Variants in EPAS1 observed in about 807,000 individuals in gnomAD.
The protein encoded by EPAS1 is endothelial PAS domain protein 1.
Under a neutral mutation model 87.9 loss-of-function variants are expected in EPAS1, and 23 were observed. The observed-to-expected ratio is 0.26, with a 90% CI of 0.19 to 0.37. The LOEUF (loss-of-function observed/expected upper bound fraction) is 0.37. Ranked by LOEUF, EPAS1 falls within the 10% of genes least tolerant of loss-of-function variation. The pLI is 1.00. For synonymous variants in EPAS1, 508 were observed against 444.3 expected (o/e 1.14, Z -1.80); for missense variants, 1,138 against 1,120.7 (o/e 1.02, Z -0.22).
chr2:46,324,562 A>G (rs1330266448), intron 1 of EPAS1, among the ~76,000 whole-genome samples: 1 of 152,252 alleles, frequency 6.6e-6, no homozygotes, highest in African/African-American at 2.4e-5. Flanking sequence ...CCAAACCAAG[A>G]CACAGTTAAA....
chr2:46,348,008 C>T (rs968374699), intron 2 of EPAS1, among the ~76,000 whole-genome samples: 10 of 152,116 alleles, frequency 6.6e-5, no homozygotes, highest in African/African-American at 1.9e-4. Flanking sequence ...CCGGAGTAAG[C>T]CTGGTGCCTT....
In EPAS1 at chr2:46,371,254, A is replaced by G. The variant is rs976411185; in HGVS notation, c.886+1321A>G. On this transcript the variant is annotated intron_variant, in intron 7 of 15. Coordinates refer to ENST00000263734, the MANE Select transcript of EPAS1 (RefSeq NM_001430.5). The surrounding 1 kb of genome is among the most constrained non-coding windows in gnomAD (Gnocchi z 4.3). ...CTCCTAAATCCACCCATCTACCCCA[A>G]GGCTAAGACAGCCAAGTTCAGTGCA... 6.6e-6 allele frequency among the ~76,000 whole-genome samples: 1 copy of G among 152,192 alleles called. No individual in the cohort carries two copies. The highest frequency in any genetic ancestry group is 2.4e-5 in the African/African-American group (1 of 41,446).
intron 15 of EPAS1, 108 bp from the exon 16 acceptor site, chr2:46,384,401 G>C (rs1268103806): frequency 2.0e-5 from 29 of 1,480,818 alleles, no homozygotes; most frequent in African/African-American, 2.8e-5. Context: ...TGAAGGAGCA[G>C]AGTGAAATTA....
In EPAS1 at chr2:46,375,519, A is replaced by T; in HGVS notation, c.887-171A>T. The T allele has an allele frequency of 4.1e-6, 3 of 732,692 alleles. No homozygotes were observed. The Admixed American group carries it at 6.7e-5, about 16-fold the overall frequency. 45.4% of individuals were successfully genotyped at this position (732,692 alleles called of 1,614,324 possible). A position where few individuals can be genotyped will look rare whatever the true frequency, so the allele number is the denominator to read the frequency against. On this transcript the variant is annotated intron_variant, in intron 7 of 15. Coordinates refer to ENST00000263734, the MANE Select transcript of EPAS1 (RefSeq NM_001430.5). The surrounding 1 kb of genome is among the most constrained non-coding windows in gnomAD (Gnocchi z 4.1). ...TATATTTAAAATGAAGAGTTGGCTG[A>T]GGTGATCCCTAAGCTCCCTCCCAGG... is the stretch of plus-strand genomic sequence containing the variant.
chr2:46,356,871 T>C (rs941184834), intron 4 of EPAS1, 63 bp downstream of exon 4: 1 of 1,203,410 alleles, frequency 8.3e-7, no homozygotes, highest in Non-Finnish European at 1.2e-6. Context: ...CTCCCCTTTG[T>C]CTACGGGTAT....
chr2:46,354,478 C>T (rs1038859900), intron 2 of EPAS1, among the ~76,000 whole-genome samples: 1 of 151,562 alleles, frequency 6.6e-6, no homozygotes, highest in African/African-American at 2.4e-5. Flanking sequence ...TGTATAACAA[C>T]CAAAGGCCTG....
chr2:46,374,761 T>G (rs1338181189), intron 7 of EPAS1, among the ~76,000 whole-genome samples: 1 of 152,150 alleles, frequency 6.6e-6, no homozygotes, highest in Non-Finnish European at 1.5e-5. Flanking sequence ...TTAAAGAGAT[T>G]TATTGATTCC....
chr2:46,324,318 C>T (rs760438166), intron 1 of EPAS1, among the ~76,000 whole-genome samples: 22 of 152,208 alleles, frequency 1.4e-4, no homozygotes, highest in Non-Finnish European at 7.3e-5. Flanking sequence ...CTGCCCACCT[C>T]GGCCTCCCAA....
rs899297733 is a variant in EPAS1, at chr2:46,375,637, G to A, written c.887-53G>A. On this transcript the variant is annotated intron_variant, in intron 7 of 15. Transcript: ENST00000263734. The surrounding 1 kb of genome is among the most constrained non-coding windows in gnomAD (Gnocchi z 4.1). ...TCCCATGCGATCTGCTGAGCCTGTG[G>A]TGCACACCCCTGCCCCACCTCCCTA... The A allele has an allele frequency of 6.9e-6, 11 of 1,593,380 alleles. No individual in the cohort carries two copies. The highest frequency in any genetic ancestry group is 6.7e-5 in the African/African-American group (5 of 74,294).
Position 46,356,142 on chromosome 2 carries a change from C to CAT in EPAS1, c.218-9_218-8insAT. 1 of 1,374,664 alleles carries CAT rather than the reference C, an allele frequency of 7.3e-7. No individual in the cohort carries two copies. Among genetic ancestry groups the CAT allele is most frequent in the South Asian group, 1.2e-5 (1 of 86,694 alleles). 85.2% of individuals were successfully genotyped at this position (1,374,664 alleles called of 1,614,324 possible). ...TCATGCAAGCTGTCCCACCCCCCCC[C>CAT]CTTTCCAGTTTGCTCTGAAAACGAG... is the stretch of plus-strand genomic sequence containing the variant. On this transcript the variant is annotated splice_polypyrimidine_tract_variant and intron_variant, in intron 2 of 15. Coordinates refer to ENST00000263734, the MANE Select transcript of EPAS1 (RefSeq NM_001430.5).
rs187543960 is a variant in EPAS1 at position 46,376,533 on chromosome 2, C to T, written c.1035-6C>T. The T allele has an allele frequency of 6.2e-7, 1 of 1,613,810 alleles. No individual in the cohort carries two copies. Among genetic ancestry groups the T allele is most frequent in the Non-Finnish European group, 8.5e-7 (1 of 1,179,752 alleles). ...AAAGTCTGAATGGCTCTTTCCCCCC[C>T]ATTAGTGAGATTGAGAAGAATGACG... On this transcript the variant is annotated splice_region_variant and splice_polypyrimidine_tract_variant and intron_variant, in intron 8 of 15. Transcript: ENST00000263734.
At chr2:46,341,176 T>C (rs1683904772) in intron 1 of EPAS1, among the ~76,000 whole-genome samples, 1 of 152,248 alleles carries the variant, frequency 6.6e-6, no homozygotes, top group Admixed American at 6.5e-5. Flanking sequence ...TCCTTTGGAA[T>C]GGCCCTCACA....
At chr2:46,326,132 C>T (rs895713875) in intron 1 of EPAS1, among the ~76,000 whole-genome samples, 9 of 152,182 alleles carry the variant, frequency 5.9e-5, no homozygotes, top group Admixed American at 6.5e-5. Context: ...TGGGGATAGC[C>T]TAGTTCTCCC....
chr2:46,377,833 T>A (rs193105755), intron 9 of EPAS1, 61 bp from the exon 10 acceptor site: 1 of 1,551,320 alleles, frequency 6.4e-7, no homozygotes, highest in South Asian at 1.2e-5. Context: ...TTGGGCCTCC[T>A]CTGCCTTGGG....
At chr2:46,354,249 A>G (rs544847210) in intron 2 of EPAS1, among the ~76,000 whole-genome samples, 3 of 152,338 alleles carry the variant, frequency 2.0e-5, no homozygotes, top group African/African-American at 7.2e-5. Flanking sequence ...ATTGCATTCT[A>G]CATTCCTTAG....
In EPAS1 at chr2:46,346,041, A is replaced by G. The variant is rs1684016837; in HGVS notation, c.27-832A>G. The stretch of plus-strand genomic sequence containing the variant: ...AACAAGCAGAGAAGTTAGAACTCCA[A>G]TCTAAACATTCTGGCTTTTAAATAT... On this transcript the variant is annotated intron_variant, in intron 1 of 15. Transcript: ENST00000263734. This position sits in a 1 kb window ranked among gnomAD's most constrained non-coding sequence, Gnocchi z 4.0. 6.6e-6 allele frequency among the ~76,000 whole-genome samples: 1 copy of G among 152,226 alleles called. No individual in the cohort carries two copies. Among genetic ancestry groups the G allele is most frequent in the Admixed American group, 6.5e-5 (1 of 15,284 alleles).
intron 11 of EPAS1, among the ~76,000 whole-genome samples, chr2:46,379,542 T>G (rs1684837293): frequency 6.6e-6 from 1 of 152,206 alleles, no homozygotes; most frequent in Non-Finnish European, 1.5e-5. Context: ...TCCTTAAAGA[T>G]TGCTTAGTAT....
At chr2:46,301,255 TCTC>T (rs763001410) in intron 1 of EPAS1, among the ~76,000 whole-genome samples, 6 of 152,060 alleles carry the variant, frequency 3.9e-5, no homozygotes, top group Non-Finnish European at 7.4e-5. Context: ...TTAAAAGACT[TCTC>T]CGGTCACAAG....
At chr2:46,301,836 A>G (rs1683007044) in intron 1 of EPAS1, among the ~76,000 whole-genome samples, 2 of 151,886 alleles carry the variant, frequency 1.3e-5, no homozygotes, top group Non-Finnish European at 2.9e-5. Flanking sequence ...AAAAAAAAAA[A>G]AAAGGAAGCA....
Sources: allele counts gnomAD v4.1 joint callset (sites outside exome capture counted in the v4.1 genomes callset), GRCh38; gene constraint gnomAD v4.1.1; non-coding constraint Gnocchi (gnomAD v3.1); transcripts MANE v1.5; gene names NCBI Gene and HGNC (gene_info 2026-07-23, HGNC 2026-07-21).